MERTK: variants seen among roughly 807,000 people sequenced by gnomAD.
The protein encoded by MERTK is MER proto-oncogene, tyrosine kinase.
In MERTK, 69 loss-of-function variants were observed where a neutral mutation model predicts 99.3. The ratio of observed to expected loss-of-function variants is 0.70; its 90% CI spans 0.57 to 0.85. The LOEUF is 0.85. Among genes scored for constraint, MERTK ranks in the 40% least tolerant of loss-of-function variants. The pLI is 0.00. For missense variants in MERTK, 1,125 were observed against 1,249.4 expected, an observed-to-expected ratio of 0.90 and a Z score of 1.50; for synonymous variants, 426 against 467.6, an observed-to-expected ratio of 0.91 and a Z score of 1.15.
chr2:111,977,327 G>A (rs1676273331), intron 7 of MERTK, among the ~76,000 whole-genome samples: 2 of 152,040 alleles, frequency 1.3e-5, no homozygotes, highest in African/African-American at 4.8e-5. Context: ...TAGAACTGTA[G>A]GTTCACAATT....
intron 13 of MERTK, among the ~76,000 whole-genome samples, chr2:112,004,579 A>G (rs1676942757): frequency 6.6e-6 from 1 of 152,232 alleles, no homozygotes; most frequent in Non-Finnish European, 1.5e-5. Context: ...AGTCACAGCC[A>G]AGAACCTGCT....
chr2:111,990,796 A>G (rs1447908575), intron 8 of MERTK, among the ~76,000 whole-genome samples: 1 of 152,230 alleles, frequency 6.6e-6, no homozygotes, highest in African/African-American at 2.4e-5. Context: ...GGAACATTTC[A>G]GATTTCAGAT....
intron 10 of MERTK, 115 bp from the exon 11 acceptor site, chr2:112,001,086 T>G: frequency 1.3e-6 from 1 of 787,696 alleles, no homozygotes; most frequent in Non-Finnish European, 2.2e-6. Context: ...GGGGAAAGCT[T>G]TTGTTGTAGA....
chr2:111,994,763 G>A, intron 9 of MERTK: 1 of 243,660 alleles, frequency 4.1e-6, no homozygotes, highest in Admixed American at 4.9e-5. Flanking sequence ...AGGTAACAGA[G>A]TGAGACCCTG....
intron 8 of MERTK, among the ~76,000 whole-genome samples, chr2:111,985,530 T>G (rs1676460133): frequency 1.3e-5 from 2 of 152,152 alleles, no homozygotes. Flanking sequence ...TTAGTCTGTT[T>G]TCACACTGCT....
At chr2:111,926,592 T>A (rs1167637016) in intron 1 of MERTK, among the ~76,000 whole-genome samples, 1 of 149,976 alleles carries the variant, frequency 6.7e-6, no homozygotes, top group East Asian at 1.9e-4. Flanking sequence ...CCGGGCATGG[T>A]GGCGCGCACC....
At chr2:111,979,411 AAT>A (rs1231515540) in intron 7 of MERTK, among the ~76,000 whole-genome samples, 1 of 152,160 alleles carries the variant, frequency 6.6e-6, no homozygotes, top group African/African-American at 2.4e-5. Context: ...TAGTTTTTAA[AAT>A]ATCTTTTCTC....
chr2:111,949,862 C>G (rs1685024888), intron 4 of MERTK, among the ~76,000 whole-genome samples: 3 of 152,188 alleles, frequency 2.0e-5, no homozygotes, highest in African/African-American at 4.8e-5. Flanking sequence ...GTCATACATA[C>G]TTTCCGTGGC....
chr2:111,898,808 CG>C lies in MERTK; in HGVS notation c.61+14del. The stretch of plus-strand genomic sequence containing the variant: ...GCTCTGGCGTAGAGGTGAGTGCGCC[CG>C]GCTGGGGGCCAGGCGAGGGGGTGGG... On this transcript the variant is annotated intron_variant, in intron 1 of 18. Coordinates refer to ENST00000295408, the MANE Select transcript of MERTK (RefSeq NM_006343.3). 6.3e-7 allele frequency: 1 copy of C among 1,583,110 alleles called. No individual in the cohort carries two copies. Among genetic ancestry groups the C allele is most frequent in the Non-Finnish European group, 8.6e-7 (1 of 1,165,444 alleles).
At chr2:111,967,891 C>T (rs1194194799) in intron 5 of MERTK, among the ~76,000 whole-genome samples, 1 of 152,148 alleles carries the variant, frequency 6.6e-6, no homozygotes, top group Non-Finnish European at 1.5e-5. Context: ...CTCCTCATTT[C>T]ATTAGTGAAT....
chr2:111,954,669 T>C (rs886625799), intron 4 of MERTK, among the ~76,000 whole-genome samples: 3 of 152,362 alleles, frequency 2.0e-5, no homozygotes, highest in African/African-American at 4.8e-5. Context: ...TAAACTCTTA[T>C]CTCTTTTCTC....
At chr2:111,900,005 A>T (rs1245934181) in intron 1 of MERTK, among the ~76,000 whole-genome samples, 1 of 152,106 alleles carries the variant, frequency 6.6e-6, no homozygotes, top group Non-Finnish European at 1.5e-5. Flanking sequence ...AAAGGGGAAA[A>T]ATGCTAAATA....
At chr2:111,995,234 G>T (rs185971096) in intron 9 of MERTK, 1 of 155,538 alleles carries the variant, frequency 6.4e-6, no homozygotes, top group African/African-American at 2.4e-5. Context: ...CCAGCCATGC[G>T]TGTTGGCTTT....
intron 4 of MERTK, among the ~76,000 whole-genome samples, chr2:111,958,452 G>A (rs1228893240): frequency 2.0e-5 from 3 of 152,196 alleles, no homozygotes; most frequent in Non-Finnish European, 4.4e-5. Flanking sequence ...AAGCAAAGAA[G>A]ACTATATTTG....
chr2:111,977,822 A>G (rs1356249532), intron 7 of MERTK, among the ~76,000 whole-genome samples: 1 of 152,052 alleles, frequency 6.6e-6, no homozygotes, highest in Non-Finnish European at 1.5e-5. Context: ...TTGGTGTAGT[A>G]TCTCATCTGA....
intron 10 of MERTK, among the ~76,000 whole-genome samples, chr2:111,998,394 G>A (rs1425487082): frequency 6.6e-6 from 1 of 152,200 alleles, no homozygotes; most frequent in East Asian, 1.9e-4. Context: ...TGCAAGAGTA[G>A]CTCATTAATA....
intron 18 of MERTK, among the ~76,000 whole-genome samples, chr2:112,024,301 G>A (rs770896260): frequency 9.9e-5 from 15 of 152,200 alleles, no homozygotes; most frequent in Non-Finnish European, 2.1e-4. Flanking sequence ...GATTATGTTG[G>A]GTCTTAGCAG....
chr2:111,986,910 G>A (rs1000267955), intron 8 of MERTK, among the ~76,000 whole-genome samples: 1 of 152,114 alleles, frequency 6.6e-6, no homozygotes, highest in Non-Finnish European at 1.5e-5. Context: ...CCAAAACTAG[G>A]GACAAATAAG....
In MERTK at chr2:111,944,303, CAA is replaced by C. The variant is rs776451722; in HGVS notation, c.483-635_483-634del. ...CTACAGAGTGAGACAGAATCTGTCT[CAA>C]AAAAAAAAAAAAAAAAAAAAATCAA... On this transcript the variant is annotated intron_variant, in intron 2 of 18. Coordinates refer to ENST00000295408, the MANE Select transcript of MERTK (RefSeq NM_006343.3). 6.6e-3 allele frequency among the ~76,000 whole-genome samples: 452 copies of C among 68,080 alleles called. 2 individuals are homozygous for C. Among genetic ancestry groups the C allele is most frequent in the African/African-American group, 0.02 (365 of 18,278 alleles). 44.7% of individuals were successfully genotyped at this position (68,080 alleles called of 152,430 possible).
Sources: allele counts gnomAD v4.1 joint callset (sites outside exome capture counted in the v4.1 genomes callset), GRCh38; gene constraint gnomAD v4.1.1; transcripts MANE v1.5; gene names NCBI Gene and HGNC (gene_info 2026-07-23, HGNC 2026-07-21).